The following LRFN5 variants were observed in gnomAD, a reference collection of about 807,000 sequenced individuals.
LRFN5 encodes the protein leucine-rich repeat and fibronectin type-III domain-containing protein 5.
LRFN5 carries 24 observed loss-of-function variants against 45.6 expected under a neutral mutation model. The ratio of observed to expected loss-of-function variants is 0.53; its 90% CI spans 0.38 to 0.74. LRFN5 has a LOEUF of 0.74. Ranked by LOEUF, LRFN5 falls within the 30% of genes least tolerant of loss-of-function variation. The pLI, the probability that LRFN5 is intolerant of heterozygous loss-of-function variation, is 0.00. For synonymous variants in LRFN5, 340 were observed against 313.8 expected, an observed-to-expected ratio of 1.08 and a Z score of -0.88; for missense variants, 776 against 861.5, an observed-to-expected ratio of 0.90 and a Z score of 1.24.
intron 1 of LRFN5, among the ~76,000 whole-genome samples, chr14:41,755,172 G>T (rs1594677817): frequency 6.6e-6 from 1 of 152,264 alleles, no homozygotes; most frequent in Non-Finnish European, 1.5e-5. Flanking sequence ...GCTGAGGAGA[G>T]CTTTACTTCC....
At position 41,891,426 on chromosome 14, in the gene LRFN5, A is replaced by G. The variant is rs1183504708; in HGVS notation, c.1562A>G (p.Gln521Arg). The change falls in exon 4 of 6, where the codon CAG becomes CGG. Residue 521 changes from glutamine to arginine, a missense_variant. By Grantham distance (43) the Gln-to-Arg change is conservative. This residue lies in a region of LRFN5 where 465 missense variants were observed against 456.4 expected (regional missense o/e 1.02). Coordinates refer to ENST00000298119, the MANE Select transcript of LRFN5 (RefSeq NM_152447.5). ...EQDYVRCHFM[Q>R]SQFLGGTMII... ...GATTATGTGCGTTGCCATTTCATGC[A>G]GTCTCAGTTTTTGGGAGGCACCATG... The G allele has an allele frequency of 6.2e-7, 1 of 1,614,028 alleles. No individual in the cohort carries two copies. Among genetic ancestry groups the G allele is most frequent in the African/African-American group, 1.3e-5 (1 of 74,912 alleles).
At chr14:41,855,808 T>C (rs1889432086) in intron 2 of LRFN5, among the ~76,000 whole-genome samples, 1 of 152,154 alleles carries the variant, frequency 6.6e-6, no homozygotes, top group African/African-American at 2.4e-5. Flanking sequence ...GCAAAACTGT[T>C]TTACCTCTTA....
chr14:41,807,422 TAATAC>T (rs1240197007), intron 2 of LRFN5, among the ~76,000 whole-genome samples: 1 of 152,140 alleles, frequency 6.6e-6, no homozygotes, highest in Non-Finnish European at 1.5e-5. Context: ...TATTTATGTG[TAATAC>T]ACTTTTAATA....
chr14:41,783,425 C>G (rs972105236), intron 2 of LRFN5, among the ~76,000 whole-genome samples: 1 of 152,056 alleles, frequency 6.6e-6, no homozygotes, highest in African/African-American at 2.4e-5. Flanking sequence ...CTTCAGTTAT[C>G]TGATGGGTCC....
intron 2 of LRFN5, among the ~76,000 whole-genome samples, chr14:41,796,808 C>G (rs994612685): frequency 6.6e-6 from 1 of 151,862 alleles, no homozygotes; most frequent in Non-Finnish European, 1.5e-5. Flanking sequence ...GTTTACTAAA[C>G]AGGCACTCCT....
At chr14:41,655,239 T>C (rs747941753) in intron 1 of LRFN5, among the ~76,000 whole-genome samples, 1 of 151,938 alleles carries the variant, frequency 6.6e-6, no homozygotes, top group Non-Finnish European at 1.5e-5. Context: ...TAATAGATTC[T>C]AGGGAAAAAT....
At chr14:41,776,256 A>G (rs911947556) in intron 2 of LRFN5, among the ~76,000 whole-genome samples, 13 of 152,202 alleles carry the variant, frequency 8.5e-5, no homozygotes, top group African/African-American at 2.7e-4. Flanking sequence ...AGTTAGTTCC[A>G]TAAGTGTATT....
intron 2 of LRFN5, among the ~76,000 whole-genome samples, chr14:41,871,174 G>C (rs960376922): frequency 6.6e-6 from 1 of 151,754 alleles, no homozygotes; most frequent in Admixed American, 6.6e-5. Context: ...GTAGATACTA[G>C]ATTTATCTCA....
intron 2 of LRFN5, among the ~76,000 whole-genome samples, chr14:41,834,899 G>A (rs552763166): frequency 2.6e-5 from 4 of 151,870 alleles, no homozygotes; most frequent in African/African-American, 9.7e-5. Context: ...CTGCGCTCAA[G>A]CAATCCACCT....
intron 1 of LRFN5, among the ~76,000 whole-genome samples, chr14:41,674,618 C>T (rs1230445736): frequency 6.7e-6 from 1 of 149,348 alleles, no homozygotes; most frequent in Non-Finnish European, 1.5e-5. Context: ...CCCCCCACCT[C>T]CCTCCTGGAC....
At chr14:41,677,889 A>G (rs1045047045) in intron 1 of LRFN5, among the ~76,000 whole-genome samples, 2 of 152,110 alleles carry the variant, frequency 1.3e-5, no homozygotes, top group African/African-American at 4.8e-5. Context: ...AGGAAGTACA[A>G]TTAACCCTAA....
At chr14:41,791,741 C>G (rs1886928577) in intron 2 of LRFN5, among the ~76,000 whole-genome samples, 1 of 152,014 alleles carries the variant, frequency 6.6e-6, no homozygotes, top group Non-Finnish European at 1.5e-5. Context: ...ATTATTTAAT[C>G]TCAACTTTCA....
chr14:41,717,052 T>C (rs1408402641), intron 1 of LRFN5, among the ~76,000 whole-genome samples: 2 of 152,202 alleles, frequency 1.3e-5, no homozygotes, highest in African/African-American at 4.8e-5. Flanking sequence ...TTTACTGCTA[T>C]AAAAACCACA....
At chr14:41,843,358 T>G (rs922383738) in intron 2 of LRFN5, among the ~76,000 whole-genome samples, 10 of 152,126 alleles carry the variant, frequency 6.6e-5, no homozygotes, top group Non-Finnish European at 1.2e-4. Context: ...GCTCTCGAAG[T>G]GCTGGGATTT....
At chr14:41,809,087 A>G (rs539050606) in intron 2 of LRFN5, among the ~76,000 whole-genome samples, 1 of 152,232 alleles carries the variant, frequency 6.6e-6, no homozygotes, top group East Asian at 1.9e-4. Flanking sequence ...TTTGTAGTAC[A>G]AAGTGCCATA....
intron 2 of LRFN5, among the ~76,000 whole-genome samples, chr14:41,786,642 T>G (rs1886732141): frequency 6.6e-6 from 1 of 151,640 alleles, no homozygotes; most frequent in South Asian, 2.1e-4. Context: ...TCAGTGAGGT[T>G]GTGATTTTTT....
chr14:41,757,515 T>A (rs1885457252), intron 1 of LRFN5, among the ~76,000 whole-genome samples: 2 of 152,204 alleles, frequency 1.3e-5, no homozygotes, highest in South Asian at 4.1e-4. Context: ...ACTGCTGTGC[T>A]AGCAATGAGT....
At chr14:41,676,922 A>C (rs921743798) in intron 1 of LRFN5, among the ~76,000 whole-genome samples, 1 of 152,216 alleles carries the variant, frequency 6.6e-6, no homozygotes, top group Non-Finnish European at 1.5e-5. Context: ...TATGCTACAC[A>C]TTTTGAGATC....
chr14:41,898,928 A>G lies in LRFN5; in HGVS notation c.2110A>G (p.Thr704Ala). ...RAHIKPNALLTNVDQIVQETQ... is the reference protein window; with the variant it reads ...RAHIKPNALLANVDQIVQETQ... ...CATTTTATTCCCAGATGCTTTGCTG[A>G]CTAATGTTGACCAGATTGTCCAGGA... The change falls in exon 5 of 6, where the codon ACT becomes GCT. Residue 704 changes from threonine to alanine, a missense_variant. Around this residue, in one of 2 missense-constraint regions of LRFN5, gnomAD observed 465 missense variants for 456.4 expected, o/e 1.02. Coordinates refer to ENST00000298119, the MANE Select transcript of LRFN5 (RefSeq NM_152447.5). 1 of 1,610,840 alleles carries G rather than the reference A, an allele frequency of 6.2e-7. No individual in the cohort carries two copies.
Sources: gnomAD v4.1 joint callset for allele counts (sites outside exome capture counted in the v4.1 genomes callset) on GRCh38, gnomAD v4.1.1 for gene constraint, gnomAD v4.1.1 regional missense constraint, MANE v1.5 for transcripts, NCBI Gene and HGNC (gene_info 2026-07-23, HGNC 2026-07-21) for gene names.